FAT3: variants seen among roughly 807,000 people sequenced by gnomAD.
The protein encoded by FAT3 is FAT atypical cadherin 3, also known as protocadherin Fat 3.
In FAT3, 95 loss-of-function variants were observed where a neutral mutation model predicts 310.2. The ratio of observed to expected loss-of-function variants is 0.31; its 90% CI spans 0.26 to 0.36. The LOEUF (loss-of-function observed/expected upper bound fraction) is 0.36, where lower values mean the gene tolerates loss of function less well. FAT3 is among the 10% of genes least tolerant of loss of function. The pLI is 1.00. For missense variants in FAT3, 5,408 were observed against 5,715.6 expected, an observed-to-expected ratio of 0.95 and a Z score of 1.74; for synonymous variants, 2,314 against 2,192.9, an observed-to-expected ratio of 1.06 and a Z score of -1.54.
At chr11:92,495,027 G>T (rs74614677) in intron 2 of FAT3, among the ~76,000 whole-genome samples, 1 of 151,958 alleles carries the variant, frequency 6.6e-6, no homozygotes, top group South Asian at 2.1e-4. Context: ...ATACTGATTT[G>T]CAATAGAAAG....
intron 2 of FAT3, among the ~76,000 whole-genome samples, chr11:92,390,076 T>TA (rs1949714366): frequency 6.6e-6 from 1 of 152,108 alleles, no homozygotes; most frequent in Non-Finnish European, 1.5e-5. Flanking sequence ...ATGACAGTTT[T>TA]AAAAGCAAAG....
chr11:92,748,221 G>A (rs1304537295), intron 4 of FAT3, among the ~76,000 whole-genome samples: 1 of 152,126 alleles, frequency 6.6e-6, no homozygotes, highest in Non-Finnish European at 1.5e-5. Flanking sequence ...CATGGCAGCA[G>A]GCTAGAGGCT....
In FAT3 at chr11:92,428,457, T is replaced by C. The variant is rs536060104; in HGVS notation, c.3292+73053T>C. On this transcript the variant is annotated intron_variant, in intron 2 of 27. Coordinates refer to ENST00000525166, the MANE Select transcript of FAT3 (RefSeq NM_001367949.2). Reference sequence around the variant, plus strand: ...TTGTTTGCTCTTGCTTCTCTAGTTCTTTCAATTTTGTGATGTTAGGATGTC... The same window carrying C: ...TTGTTTGCTCTTGCTTCTCTAGTTCCTTCAATTTTGTGATGTTAGGATGTC... Among the ~76,000 whole-genome samples, 36 of 152,294 alleles carry C rather than the reference T, an allele frequency of 2.4e-4. 1 individual carries two copies. In the South Asian group the frequency reaches 7.3e-3, roughly 31 times the overall value.
At chr11:92,357,342 G>T (rs1387109220) in intron 2 of FAT3, among the ~76,000 whole-genome samples, 1 of 152,158 alleles carries the variant, frequency 6.6e-6, no homozygotes, top group South Asian at 2.1e-4. Context: ...TTAGCTTTGT[G>T]TAACTGCAGT....
intron 2 of FAT3, among the ~76,000 whole-genome samples, chr11:92,514,029 C>G (rs905257080): frequency 1.3e-5 from 2 of 152,140 alleles, no homozygotes; most frequent in African/African-American, 4.8e-5. Flanking sequence ...TAATTATGAA[C>G]AGCTTTATAT....
intron 4 of FAT3, among the ~76,000 whole-genome samples, chr11:92,703,356 C>G (rs1944161561): frequency 6.6e-6 from 1 of 152,180 alleles, no homozygotes; most frequent in African/African-American, 2.4e-5. Flanking sequence ...ACCCATTAAA[C>G]AGTCCACAGT....
At chr11:92,242,069 C>T (rs1424170847) in intron 1 of FAT3, among the ~76,000 whole-genome samples, 1 of 151,998 alleles carries the variant, frequency 6.6e-6, no homozygotes, top group African/African-American at 2.4e-5. Flanking sequence ...TGATCTCCTA[C>T]ACATTAAGAA....
intron 1 of FAT3, among the ~76,000 whole-genome samples, chr11:92,309,089 T>C (rs762354776): frequency 4.4e-4 from 67 of 152,226 alleles, no homozygotes; most frequent in Non-Finnish European, 1.5e-4. Flanking sequence ...TGATTACTGG[T>C]GATTTGGCCA....
At position 92,837,369 on chromosome 11, in the gene FAT3, C is replaced by G. The variant is rs113124466; in HGVS notation, c.10225-294C>G. On this transcript the variant is annotated intron_variant, in intron 16 of 27. Transcript: ENST00000525166. ...GGTTTTGTCCCCCAGGGACGTTTGG[C>G]AACGTTTGGAGACATTTTTGGCTGT... is the stretch of plus-strand genomic sequence containing the variant. Among the ~76,000 whole-genome samples, 794 of 152,252 alleles carry G rather than the reference C, an allele frequency of 5.2e-3. 7 individuals are homozygous for G. The highest frequency in any genetic ancestry group is 0.018 in the African/African-American group (756 of 41,542).
rs1267549584 is a variant in FAT3 at position 92,801,241 on chromosome 11, T to C, written c.8228T>C (p.Val2743Ala). 1.9e-6 allele frequency: 3 copies of C among 1,613,884 alleles called. No homozygotes were observed. In the African/African-American group the frequency reaches 4.0e-5, roughly 22 times the overall value. The change falls in exon 10 of 28, where the codon GTT (valine) becomes GCT (alanine). Residue 2743 changes from valine to alanine, a missense_variant. Coordinates refer to ENST00000525166, the MANE Select transcript of FAT3 (RefSeq NM_001367949.2). ...AGTCAGAATGTCTGGTTCAGCACAGTTAATGGGGAACGGCCAGAAAATAAC... is the reference window on the plus strand; with the variant it reads ...AGTCAGAATGTCTGGTTCAGCACAGCTAATGGGGAACGGCCAGAAAATAAC... Reference protein sequence around the residue: ...LPSQNVWFSTVNGERPENNKG... With the variant: ...LPSQNVWFSTANGERPENNKG...
Position 92,882,745 on chromosome 11 carries a change from G to A in FAT3, c.12289G>A (p.Glu4097Lys), listed in dbSNP as rs1259865436. The A allele has an allele frequency of 3.1e-6, 5 of 1,599,764 alleles. No individual in the cohort carries two copies. In the East Asian group the frequency reaches 9.0e-5, roughly 29 times the overall value. Residue 4097 changes from glutamate to lysine, a missense_variant, in exon 24 of 28, where the codon GAG (glutamate) becomes AAG (lysine). By Grantham distance (56) the Glu-to-Lys change is moderately conservative. Coordinates refer to ENST00000525166, the MANE Select transcript of FAT3 (RefSeq NM_001367949.2). ...KAGLTGVTCE[E>K]DINECEREEC... ...GCTTCTGTGTCGCCGCAGGTGTGAG[G>A]AGGACATCAATGAGTGCGAACGAGA...
chr11:92,403,667 G>A (rs1421676656), intron 2 of FAT3, among the ~76,000 whole-genome samples: 5 of 152,156 alleles, frequency 3.3e-5, no homozygotes, highest in East Asian at 1.9e-4. Flanking sequence ...GGCCCAGGGC[G>A]GGGGAATGTG....
At chr11:92,736,066 A>G (rs1255432591) in intron 4 of FAT3, among the ~76,000 whole-genome samples, 3 of 152,094 alleles carry the variant, frequency 2.0e-5, no homozygotes, top group Admixed American at 6.6e-5. Flanking sequence ...CTTACTCTCT[A>G]CTGTTGTGAA....
intron 19 of FAT3, among the ~76,000 whole-genome samples, chr11:92,855,272 C>T (rs1948941811): frequency 6.6e-6 from 1 of 152,172 alleles, no homozygotes; most frequent in South Asian, 2.1e-4. Flanking sequence ...TTAGCTCGTT[C>T]CTTTGTTACT....
chr11:92,495,935 C>A lies in FAT3; in HGVS notation c.3293-28699C>A, dbSNP rs78643332. On this transcript the variant is annotated intron_variant, in intron 2 of 27. Transcript: ENST00000525166. ...CTGGTTTAAATCAGAGTTGAAGAGA[C>A]ACTTCCAAGTGTTAGCTATTTATTT... 1.6e-4 allele frequency among the ~76,000 whole-genome samples: 25 copies of A among 152,196 alleles called. No homozygotes were observed. In the East Asian group the frequency reaches 3.7e-3, roughly 22 times the overall value.
At position 92,381,426 on chromosome 11, in the gene FAT3, T is replaced by G. The variant is rs143457138; in HGVS notation, c.3292+26022T>G. ...TACTTGGGAGGCTGAGGCATGAGAA[T>G]TGCTCGAACATGGGAGGCGGAGGTT... is the stretch of plus-strand genomic sequence containing the variant. On this transcript the variant is annotated intron_variant, in intron 2 of 27. Coordinates refer to ENST00000525166, the MANE Select transcript of FAT3 (RefSeq NM_001367949.2). Among the ~76,000 whole-genome samples the G allele has an allele frequency of 4.5e-3, 683 of 152,218 alleles. 10 individuals carry two copies. Among genetic ancestry groups the G allele is most frequent in the African/African-American group, 0.016 (646 of 41,534 alleles).
chr11:92,856,495 T>C (rs1948982643), intron 19 of FAT3, among the ~76,000 whole-genome samples: 2 of 152,216 alleles, frequency 1.3e-5, no homozygotes, highest in African/African-American at 2.4e-5. Context: ...AATTCTGCCT[T>C]AATCAGTTAA....
chr11:92,277,319 T>C (rs375517906), intron 1 of FAT3, among the ~76,000 whole-genome samples: 2 of 152,230 alleles, frequency 1.3e-5, no homozygotes, highest in East Asian at 3.9e-4. Context: ...CAATTAACTC[T>C]ATCTGCTGTT....
chr11:92,447,728 A>G (rs1591303986), intron 2 of FAT3, among the ~76,000 whole-genome samples: 1 of 152,244 alleles, frequency 6.6e-6, no homozygotes, highest in East Asian at 1.9e-4. Flanking sequence ...CTGTGCGCCA[A>G]GACCAGTAGT....
Sources: gnomAD v4.1 joint callset for allele counts (sites outside exome capture counted in the v4.1 genomes callset) on GRCh38, gnomAD v4.1.1 for gene constraint, MANE v1.5 for transcripts, NCBI Gene and HGNC (gene_info 2026-07-23, HGNC 2026-07-21) for gene names.